ADAMTSL1: variants seen among roughly 807,000 people sequenced by gnomAD.
ADAMTSL1 encodes ADAMTS-like protein 1.
Under a neutral mutation model 201.8 loss-of-function variants are expected in ADAMTSL1, and 126 were observed. That is an observed-to-expected ratio of 0.62 (90% CI 0.54 to 0.72). ADAMTSL1 has a LOEUF of 0.72. ADAMTSL1 is among the 30% of genes least tolerant of loss of function. The probability of loss-of-function intolerance (pLI) is 0.00; values close to 1 mark genes in which losing one functional copy is unlikely to be tolerated. For missense variants in ADAMTSL1, 2,679 were observed against 2,277.8 expected (o/e 1.18, Z -3.59); for synonymous variants, 1,121 against 903.4 (o/e 1.24, Z -4.32).
chr9:18,169,952 C>A (rs1405579934), intron 2 of ADAMTSL1, among the ~76,000 whole-genome samples: 4 of 151,854 alleles, frequency 2.6e-5, no homozygotes, highest in African/African-American at 9.7e-5. Flanking sequence ...AGTTGGCTAC[C>A]AAAATTCTAC....
At chr9:18,876,191 A>G (rs1588287660) in intron 23 of ADAMTSL1, among the ~76,000 whole-genome samples, 1 of 152,022 alleles carries the variant, frequency 6.6e-6, no homozygotes, top group African/African-American at 2.4e-5. Flanking sequence ...ACTCTTACTC[A>G]TTCCGCCATT....
intron 8 of ADAMTSL1, among the ~76,000 whole-genome samples, chr9:18,659,654 C>T (rs1224899875): frequency 6.6e-6 from 1 of 152,192 alleles, no homozygotes; most frequent in Non-Finnish European, 1.5e-5. Context: ...GTAATCCCAG[C>T]TACTTGGGAG....
At chr9:18,881,419 C>A (rs936122966) in intron 23 of ADAMTSL1, among the ~76,000 whole-genome samples, 3 of 152,148 alleles carry the variant, frequency 2.0e-5, no homozygotes, top group African/African-American at 7.2e-5. Context: ...ATTGCTGCAT[C>A]TCAGGGGATA....
intron 2 of ADAMTSL1, among the ~76,000 whole-genome samples, chr9:18,267,762 T>TAAAAAAAAAAAAAAAAAA (rs72030473): frequency 4.0e-5 from 5 of 125,276 alleles, no homozygotes; most frequent in African/African-American, 1.0e-4. Flanking sequence ...CAAAGGCTAT[T>TAAAAAAAAAAAAAAAAAA]AAAAAAAAAA....
At chr9:18,530,897 C>T (rs143363169) in intron 2 of ADAMTSL1, among the ~76,000 whole-genome samples, 4 of 152,274 alleles carry the variant, frequency 2.6e-5, no homozygotes, top group Admixed American at 6.5e-5. Flanking sequence ...GGTACGTATG[C>T]AGCAGGAACT....
chr9:18,047,049 A>G (rs1586944347), intron 1 of ADAMTSL1, among the ~76,000 whole-genome samples: 1 of 152,186 alleles, frequency 6.6e-6, no homozygotes, highest in East Asian at 1.9e-4. Flanking sequence ...AGATGACTAC[A>G]TAGGATAATG....
rs117201375 is a variant in ADAMTSL1, at chr9:18,335,618, C to T, written c.208-169211C>T. Among the ~76,000 whole-genome samples the T allele has an allele frequency of 4.5e-4, 69 of 152,266 alleles. 1 individual carries two copies. In the East Asian group the frequency reaches 0.013, roughly 29 times the overall value. Reference sequence around the variant, plus strand: ...ATGTTCAAGACAATATTACTGTTCACTATTCCCATTAAATAACCTCATAGC... The same window carrying T: ...ATGTTCAAGACAATATTACTGTTCATTATTCCCATTAAATAACCTCATAGC... On this transcript the variant is annotated intron_variant, in intron 2 of 29. Coordinates refer to the ADAMTSL1 transcript ENST00000680146.
chr9:18,604,636 A>G (rs141492589), intron 4 of ADAMTSL1, among the ~76,000 whole-genome samples: 160 of 152,324 alleles, frequency 1.1e-3, no homozygotes, highest in African/African-American at 3.5e-3. Context: ...GTATGAATAT[A>G]TAACATTTTA....
At position 18,574,092 on chromosome 9, in the gene ADAMTSL1, GCAC is replaced by G. The variant is rs773939914; in HGVS notation, c.303_305del (p.His102del). ...AATGCTCAGCTCATAATGATGTCAA[GCAC>G]CATGGCCAGTTTTATGAATGGCTTC... On this transcript the variant is annotated inframe_deletion, in exon 4 of 29. Coordinates refer to ENST00000380548, the MANE Select transcript of ADAMTSL1 (RefSeq NM_001040272.6). The G allele has an allele frequency of 2.5e-6, 4 of 1,613,970 alleles. No homozygotes were observed. Among genetic ancestry groups the G allele is most frequent in the Non-Finnish European group, 1.7e-6 (2 of 1,180,020 alleles).
intron 2 of ADAMTSL1, among the ~76,000 whole-genome samples, chr9:18,205,590 A>G (rs912310993): frequency 6.6e-6 from 1 of 152,148 alleles, no homozygotes; most frequent in African/African-American, 2.4e-5. Flanking sequence ...TCAAGGTTCC[A>G]CAGGCGAAAA....
Position 18,753,462 on chromosome 9 carries a change from A to C in ADAMTSL1, c.2171A>C (p.Asn724Thr). 3.1e-6 allele frequency: 5 copies of C among 1,613,462 alleles called. No homozygotes were observed. Among genetic ancestry groups the C allele is most frequent in the Non-Finnish European group, 4.2e-6 (5 of 1,179,790 alleles). ...QPKPSTVQAC[N>T]RFNCPPAWYP... ...AAGCCCAGCACGGTGCAAGCTTGTA[A>C]CCGCTTTAATTGCCCCCCAGCCTGG... The change falls in exon 16 of 29, where the codon AAC (asparagine) becomes ACC (threonine). Residue 724 changes from asparagine (N) to threonine (T), a missense_variant. Coordinates refer to ENST00000380548, the MANE Select transcript of ADAMTSL1 (RefSeq NM_001040272.6).
At chr9:18,879,596 A>G (rs1470040251) in intron 23 of ADAMTSL1, among the ~76,000 whole-genome samples, 1 of 152,350 alleles carries the variant, frequency 6.6e-6, no homozygotes, top group East Asian at 1.9e-4. Context: ...AGTGTGCAAC[A>G]CCAATACATC....
At chr9:18,692,020 T>C (rs984714730) in intron 13 of ADAMTSL1, among the ~76,000 whole-genome samples, 1 of 152,198 alleles carries the variant, frequency 6.6e-6, no homozygotes, top group Non-Finnish European at 1.5e-5. Flanking sequence ...TTGTATCTAA[T>C]GGCATTTGAG....
At chr9:18,073,302 G>C (rs1319729848) in intron 1 of ADAMTSL1, among the ~76,000 whole-genome samples, 1 of 152,146 alleles carries the variant, frequency 6.6e-6, no homozygotes, top group Non-Finnish European at 1.5e-5. Flanking sequence ...GATTCAGCCT[G>C]TGTGAATGCC....
intron 1 of ADAMTSL1, among the ~76,000 whole-genome samples, chr9:18,053,471 C>G (rs543997576): frequency 1.3e-5 from 2 of 152,234 alleles, no homozygotes; most frequent in South Asian, 4.2e-4. Context: ...ATGTGACAAT[C>G]TCTTAATTTT....
intron 1 of ADAMTSL1, among the ~76,000 whole-genome samples, chr9:18,128,040 C>T (rs1464999111): frequency 6.6e-6 from 1 of 152,116 alleles, no homozygotes; most frequent in Non-Finnish European, 1.5e-5. Flanking sequence ...GTTGGTTGCT[C>T]AGTTTTATGT....
At chr9:18,207,773 G>T (rs557120829) in intron 2 of ADAMTSL1, among the ~76,000 whole-genome samples, 2 of 151,660 alleles carry the variant, frequency 1.3e-5, no homozygotes, top group East Asian at 2.0e-4. Context: ...GTATAAGCGG[G>T]TCTCAGGTCC....
At chr9:18,692,596 C>T (rs1177941261) in intron 13 of ADAMTSL1, among the ~76,000 whole-genome samples, 1 of 152,116 alleles carries the variant, frequency 6.6e-6, no homozygotes, top group Non-Finnish European at 1.5e-5. Context: ...TTTTAATGAA[C>T]TGAACTTTTC....
chr9:18,655,990 G>A (rs1002583807), intron 7 of ADAMTSL1, among the ~76,000 whole-genome samples: 3 of 151,928 alleles, frequency 2.0e-5, no homozygotes, highest in African/African-American at 7.3e-5. Context: ...TTCTTTTAAA[G>A]TAGGGAATGG....
Sources: gnomAD v4.1 joint callset for allele counts (sites outside exome capture counted in the v4.1 genomes callset) on GRCh38, gnomAD v4.1.1 for gene constraint, MANE v1.5 for transcripts, NCBI Gene and HGNC (gene_info 2026-07-23, HGNC 2026-07-21) for gene names.